GET4: variants seen among roughly 807,000 people sequenced by gnomAD.
The protein encoded by GET4 is guided entry of tail-anchored proteins factor 4.
In GET4, 20 loss-of-function variants were observed where a neutral mutation model predicts 40.0. The observed-to-expected ratio is 0.50, with a 90% CI of 0.35 to 0.73. The LOEUF (loss-of-function observed/expected upper bound fraction) is 0.73. Among genes scored for constraint, GET4 ranks in the 30% least tolerant of loss-of-function variants. The probability of loss-of-function intolerance (pLI) is 0.01; values close to 1 mark genes in which losing one functional copy is unlikely to be tolerated. For synonymous variants in GET4, 280 were observed against 194.6 expected (o/e 1.44, Z -3.65); for missense variants, 557 against 454.0 (o/e 1.23, Z -2.06).
At position 893,648 on chromosome 7, in the gene GET4, A is replaced by C. The variant is rs982627867; in HGVS notation, c.747-92A>C. 9.4e-5 allele frequency: 72 copies of C among 768,804 alleles called. 1 individual carries two copies. The highest frequency in any genetic ancestry group is 2.1e-4 in the South Asian group (14 of 66,486). 47.6% of individuals were successfully genotyped at this position (768,804 alleles called of 1,614,324 possible). A position where few individuals can be genotyped will look rare whatever the true frequency, so the allele number is the denominator to read the frequency against. On this transcript the variant is annotated intron_variant, in intron 6 of 8. Coordinates refer to ENST00000265857, the MANE Select transcript of GET4 (RefSeq NM_015949.3). ...TGGGCGCGGGCGTGGTGGTGTGTGC[A>C]GGTGAGTGTTGGGCGCAGGCGCGGT...
At chr7:886,282 C>T (rs1336003347) in intron 2 of GET4, 148 bp downstream of exon 2, 12 of 634,324 alleles carry the variant, frequency 1.9e-5, no homozygotes, top group African/African-American at 5.5e-5. Context: ...GGCCCAGAGT[C>T]CCCCCTGGCT....
chr7:895,900 G>A lies in GET4; in HGVS notation c.*478G>A, dbSNP rs1045229180. 6.6e-6 allele frequency: 1 copy of A among 152,612 alleles called. No homozygotes were observed. The highest frequency in any genetic ancestry group is 2.4e-5 in the African/African-American group (1 of 41,490). The allele number at this position is 152,612 out of a possible 1,614,324, so 9.5% of individuals were successfully genotyped here. On this transcript the variant is annotated 3_prime_UTR_variant, in exon 9 of 9. Coordinates refer to ENST00000265857, the MANE Select transcript of GET4 (RefSeq NM_015949.3). ...ATGGGAGCGGCTGTTTTTGAACACG[G>A]GGTCATTCTGCAGTCAGGACGAACC...
chr7:885,980 T>C, intron 1 of GET4, 76 bp from the exon 2 acceptor site: 1 of 907,130 alleles, frequency 1.1e-6, no homozygotes, highest in Non-Finnish European at 1.8e-6. Context: ...GTTTTTAGCT[T>C]CTGACCTGAA....
chr7:878,569 A>C (rs955085669), intron 1 of GET4, among the ~76,000 whole-genome samples: 1 of 147,842 alleles, frequency 6.8e-6, no homozygotes, highest in African/African-American at 2.5e-5. Context: ...TTTCCTTTTA[A>C]TAAACTTTTT....
chr7:879,441 T>C (rs1198599710), intron 1 of GET4, among the ~76,000 whole-genome samples: 1 of 152,248 alleles, frequency 6.6e-6, no homozygotes, highest in Non-Finnish European at 1.5e-5. Context: ...TTAGCTGACC[T>C]GAACGGGCTG....
chr7:884,591 C>G (rs1009469753), intron 1 of GET4: 1 of 275,898 alleles, frequency 3.6e-6, no homozygotes, highest in South Asian at 3.3e-5. Flanking sequence ...TAATGAGATG[C>G]CCGGATGTGG....
chr7:886,710 C>A, intron 3 of GET4, 60 bp downstream of exon 3: 1 of 1,059,828 alleles, frequency 9.4e-7, no homozygotes, highest in Non-Finnish European at 1.5e-6. Flanking sequence ...CGCCCCTCCC[C>A]GGGTCTCTGC....
chr7:887,667 G>T (rs932503386), intron 4 of GET4, 148 bp downstream of exon 4: 4 of 549,616 alleles, frequency 7.3e-6, no homozygotes, highest in Non-Finnish European at 8.5e-6. Context: ...AGACCCATGC[G>T]CCATGCTAAG....
chr7:894,705 T>G (rs1844432841), intron 8 of GET4, among the ~76,000 whole-genome samples: 1 of 152,160 alleles, frequency 6.6e-6, no homozygotes, highest in Admixed American at 6.5e-5. Context: ...TGTCCTGAGA[T>G]GGGGTGACGT....
intron 5 of GET4, among the ~76,000 whole-genome samples, chr7:891,816 T>C (rs112158197): frequency 0.018 from 2,667 of 152,370 alleles, 42 homozygotes; most frequent in African/African-American, 0.041. Context: ...GGCTCTGCGC[T>C]ACGCCGTGTA....
At chr7:887,599 G>A (rs1844217584) in intron 4 of GET4, 80 bp downstream of exon 4, 4 of 1,133,302 alleles carry the variant, frequency 3.5e-6, no homozygotes, top group Non-Finnish European at 4.8e-6. Context: ...ATACATCAGG[G>A]TCACCCACCA....
chr7:889,778 C>T (rs1159311309), intron 4 of GET4, among the ~76,000 whole-genome samples: 2 of 64,700 alleles, frequency 3.1e-5, no homozygotes, highest in Admixed American at 3.5e-4. Flanking sequence ...GGTGTTAGGA[C>T]GGGGCCTGGG....
chr7:887,052 C>G (rs907291823), intron 3 of GET4: 1 of 587,320 alleles, frequency 1.7e-6, no homozygotes, highest in Admixed American at 2.2e-5. Flanking sequence ...CCCTGCTGCT[C>G]TGGGAGATGC....
At chr7:883,913 G>A in intron 1 of GET4, 1 of 1,054,384 alleles carries the variant, frequency 9.5e-7, no homozygotes, top group Non-Finnish European at 1.1e-6. Context: ...ACCACTGTGT[G>A]CCCAGAATTC....
At position 892,414 on chromosome 7, in the gene GET4, G is replaced by A; in HGVS notation, c.742G>A (p.Asp248Asn). 6.3e-7 allele frequency: 1 copy of A among 1,587,130 alleles called. No homozygotes were observed. Among genetic ancestry groups the A allele is most frequent in the Admixed American group, 1.7e-5 (1 of 59,674 alleles). ...CATCTGGTTCCTGCTGCTGGCTGTG[G>A]ACGGGTGCGTCTTGGGATCCTGCAG... ...NFIWFLLLAV[D>N]GGKLTVFTVL... Residue 248 changes from aspartate to asparagine, a missense_variant, in exon 6 of 9, where the codon GAC becomes AAC. Coordinates refer to ENST00000265857, the MANE Select transcript of GET4 (RefSeq NM_015949.3).
At chr7:879,125 T>C (rs1164228191) in intron 1 of GET4, among the ~76,000 whole-genome samples, 1 of 152,226 alleles carries the variant, frequency 6.6e-6, no homozygotes, top group African/African-American at 2.4e-5. Flanking sequence ...TTTAAATATT[T>C]TCTTTCCATA....
intron 1 of GET4, chr7:884,237 C>T (rs1318314006): frequency 7.7e-7 from 1 of 1,304,072 alleles, no homozygotes; most frequent in Non-Finnish European, 1.0e-6. Flanking sequence ...CTGGCGGCAT[C>T]GTGAGGCCAG....
rs554044758 is a variant in GET4, at chr7:877,105, A to G, written c.155+305A>G. Among the ~76,000 whole-genome samples, 35 of 134,196 alleles carry G rather than the reference A, an allele frequency of 2.6e-4. 1 individual carries two copies. The East Asian group carries it at 7.3e-3, about 28-fold the overall frequency. 88.0% of individuals were successfully genotyped at this position (134,196 alleles called of 152,430 possible). The stretch of plus-strand genomic sequence containing the variant: ...CACCTGTTCCCTCCTCCGTCCCCAC[A>G]CGCCCCTCGGCCTTCCTCTGTCTCC... On this transcript the variant is annotated intron_variant, in intron 1 of 8. Transcript: ENST00000265857.
At chr7:888,132 G>A (rs745458541) in intron 4 of GET4, among the ~76,000 whole-genome samples, 4 of 152,212 alleles carry the variant, frequency 2.6e-5, no homozygotes, top group Non-Finnish European at 5.9e-5. Context: ...GGCGTCAGGA[G>A]GCCTGCTCGG....
Sources: gnomAD v4.1 joint callset for allele counts (sites outside exome capture counted in the v4.1 genomes callset) on GRCh38, gnomAD v4.1.1 for gene constraint, MANE v1.5 for transcripts, NCBI Gene and HGNC (gene_info 2026-07-23, HGNC 2026-07-21) for gene names.